PTPRG: variants seen among roughly 807,000 people sequenced by gnomAD.
The protein encoded by PTPRG is receptor-type tyrosine-protein phosphatase gamma.
PTPRG carries 102 observed loss-of-function variants against 165.3 expected under a neutral mutation model. The observed-to-expected ratio is 0.62, with a 90% CI of 0.53 to 0.73. The LOEUF (loss-of-function observed/expected upper bound fraction) is 0.73. Ranked by LOEUF, PTPRG falls within the 30% of genes least tolerant of loss-of-function variation. The probability of loss-of-function intolerance (pLI) is 0.00; values close to 1 mark genes in which losing one functional copy is unlikely to be tolerated. For missense variants in PTPRG, 1,866 were observed against 1,861.4 expected (o/e 1.00, Z -0.05); for synonymous variants, 675 against 669.5 (o/e 1.01, Z -0.13).
At chr3:62,108,534 A>G (rs186266824) in intron 5 of PTPRG, among the ~76,000 whole-genome samples, 5 of 152,284 alleles carry the variant, frequency 3.3e-5, no homozygotes, top group South Asian at 2.1e-4. Flanking sequence ...TTGTAGAATG[A>G]TTTATAATCC....
intron 2 of PTPRG, among the ~76,000 whole-genome samples, chr3:61,928,867 T>G (rs925875102): frequency 6.6e-6 from 1 of 152,208 alleles, no homozygotes; most frequent in African/African-American, 2.4e-5. Flanking sequence ...ATTGGAGTCA[T>G]ACAGTGGTTC....
chr3:62,069,827 G>A (rs1701152391), intron 4 of PTPRG, among the ~76,000 whole-genome samples: 1 of 152,170 alleles, frequency 6.6e-6, no homozygotes, highest in Non-Finnish European at 1.5e-5. Flanking sequence ...AGCTCAATCT[G>A]TGTTGCAGTG....
At chr3:62,132,212 C>A (rs1001493222) in intron 5 of PTPRG, among the ~76,000 whole-genome samples, 3 of 152,156 alleles carry the variant, frequency 2.0e-5, no homozygotes, top group African/African-American at 7.2e-5. Context: ...AAGGGAAAAA[C>A]ACAGTCACCA....
chr3:61,850,014 C>T lies in PTPRG; in HGVS notation c.190+101032C>T, dbSNP rs1260828730. Among the ~76,000 whole-genome samples, 3 of 152,056 alleles carry T rather than the reference C, an allele frequency of 2.0e-5. No homozygotes were observed. In the South Asian group the frequency reaches 6.2e-4, roughly 32 times the overall value. The stretch of plus-strand genomic sequence containing the variant: ...AAATGTTTCATACAAACCTCATTTC[C>T]TTGTTTCCTAACCCCAGACCCTTCT... On this transcript the variant is annotated intron_variant, in intron 2 of 29. Coordinates refer to ENST00000474889, the MANE Select transcript of PTPRG (RefSeq NM_002841.4).
At chr3:62,290,576 TAGAC>T (rs1471702186) in intron 28 of PTPRG, among the ~76,000 whole-genome samples, 1 of 152,092 alleles carries the variant, frequency 6.6e-6, no homozygotes, top group East Asian at 1.9e-4. Context: ...GTACAAAAAA[TAGAC>T]AAACAGAATA....
intron 2 of PTPRG, among the ~76,000 whole-genome samples, chr3:61,812,009 G>A (rs879376537): frequency 6.6e-6 from 1 of 152,154 alleles, no homozygotes; most frequent in East Asian, 1.9e-4. Flanking sequence ...TCAAAAAAAG[G>A]CTTTTATTTC....
chr3:61,890,827 TGTAA>T (rs1353057073), intron 2 of PTPRG, among the ~76,000 whole-genome samples: 3 of 152,218 alleles, frequency 2.0e-5, no homozygotes, highest in African/African-American at 7.2e-5. Flanking sequence ...ACATTGCTTA[TGTAA>T]GTGTGAGAGA....
chr3:61,840,009 G>A (rs2036578274), intron 2 of PTPRG, among the ~76,000 whole-genome samples: 1 of 152,110 alleles, frequency 6.6e-6, no homozygotes, highest in Non-Finnish European at 1.5e-5. Flanking sequence ...AGAATTCATG[G>A]AGTCTTGGAA....
chr3:62,182,618 CA>C (rs1249593618), intron 8 of PTPRG, among the ~76,000 whole-genome samples: 2 of 152,212 alleles, frequency 1.3e-5, no homozygotes, highest in Non-Finnish European at 2.9e-5. Flanking sequence ...AAGGGCCTGA[CA>C]TATGGCCGGT....
chr3:62,251,915 C>G (rs1035199634), intron 15 of PTPRG, among the ~76,000 whole-genome samples: 1 of 152,124 alleles, frequency 6.6e-6, no homozygotes, highest in African/African-American at 2.4e-5. Context: ...CTGGTTCTTA[C>G]AGAGATAAAT....
chr3:61,815,385 A>C (rs551141833), intron 2 of PTPRG, among the ~76,000 whole-genome samples: 9 of 152,314 alleles, frequency 5.9e-5, no homozygotes, highest in African/African-American at 1.4e-4. Context: ...ACTGGGCAAC[A>C]GAACGAGACC....
intron 5 of PTPRG, among the ~76,000 whole-genome samples, chr3:62,128,702 A>G (rs974135972): frequency 1.3e-5 from 2 of 149,404 alleles, no homozygotes; most frequent in Non-Finnish European, 3.0e-5. Flanking sequence ...AGAATTCCAT[A>G]TTTTCCCCAT....
chr3:61,933,851 C>T (rs1050578113), intron 2 of PTPRG, among the ~76,000 whole-genome samples: 11 of 152,162 alleles, frequency 7.2e-5, no homozygotes, highest in African/African-American at 2.2e-4. Context: ...TTATATCAAA[C>T]ATGTAATCAG....
intron 2 of PTPRG, among the ~76,000 whole-genome samples, chr3:61,784,568 A>G (rs1398293712): frequency 1.3e-5 from 2 of 152,164 alleles, no homozygotes; most frequent in Non-Finnish European, 1.5e-5. Context: ...AAGCTTCCAC[A>G]AGACTTAAGC....
chr3:61,773,884 C>T (rs1459317298), intron 2 of PTPRG, among the ~76,000 whole-genome samples: 1 of 151,944 alleles, frequency 6.6e-6, no homozygotes, highest in African/African-American at 2.4e-5. Context: ...AAGCAATTCT[C>T]CTGCCTCAGC....
chr3:62,171,100 G>T (rs2106744110), intron 8 of PTPRG, among the ~76,000 whole-genome samples: 1 of 152,322 alleles, frequency 6.6e-6, no homozygotes, highest in Middle Eastern at 3.4e-3. Flanking sequence ...GCCTGTAGTT[G>T]TAGTTTGTTC....
rs571357711 is a variant in PTPRG at position 61,970,603 on chromosome 3, G to A, written c.191-19022G>A. Among the ~76,000 whole-genome samples the A allele has an allele frequency of 1.8e-3, 276 of 152,282 alleles. 1 individual carries two copies. Among genetic ancestry groups the A allele is most frequent in the African/African-American group, 6.5e-3 (270 of 41,566 alleles). On this transcript the variant is annotated intron_variant, in intron 2 of 29. Transcript: ENST00000474889. Reference sequence around the variant, plus strand: ...AAACTCTTTGGGATTAGAAGGAGTTGTTTGGAATAATTAATAGTAAAGGTA... The same window carrying A: ...AAACTCTTTGGGATTAGAAGGAGTTATTTGGAATAATTAATAGTAAAGGTA...
intron 2 of PTPRG, among the ~76,000 whole-genome samples, chr3:61,986,190 G>A (rs963239593): frequency 6.6e-6 from 1 of 150,404 alleles, no homozygotes. Context: ...TCTTCTTTCA[G>A]TTCTCTCTTC....
intron 5 of PTPRG, among the ~76,000 whole-genome samples, chr3:62,095,821 T>C (rs349153): frequency 0.07 from 10,591 of 151,994 alleles, 696 homozygotes; most frequent in African/African-American, 0.17. Context: ...GAGTGGAAAT[T>C]ACAGGCTGAG....
Sources: gnomAD v4.1 joint callset for allele counts (sites outside exome capture counted in the v4.1 genomes callset) on GRCh38, gnomAD v4.1.1 for gene constraint, MANE v1.5 for transcripts, NCBI Gene and HGNC (gene_info 2026-07-23, HGNC 2026-07-21) for gene names.